Variants in SPOCK3 observed in about 807,000 individuals in gnomAD.
SPOCK3 encodes the protein SPARC (osteonectin), cwcv and kazal like domains proteoglycan 3, also known as testican-3.
SPOCK3 carries 30 observed loss-of-function variants against 56.6 expected under a neutral mutation model. That is an observed-to-expected ratio of 0.53 (90% CI 0.40 to 0.72). SPOCK3 has a LOEUF of 0.72. Among genes scored for constraint, SPOCK3 ranks in the 30% least tolerant of loss-of-function variants. The pLI is 0.00. For synonymous variants in SPOCK3, 196 were observed against 183.3 expected (o/e 1.07, Z -0.56); for missense variants, 527 against 530.0 (o/e 0.99, Z 0.06).
chr4:167,191,849 T>A (rs1238624572), intron 2 of SPOCK3, among the ~76,000 whole-genome samples: 2 of 145,670 alleles, frequency 1.4e-5, no homozygotes, highest in Non-Finnish European at 3.0e-5. Flanking sequence ...GGTGATCCTC[T>A]CTTGTTCTTG....
At chr4:166,790,695 C>A (rs1386512063) in intron 7 of SPOCK3, among the ~76,000 whole-genome samples, 2 of 152,108 alleles carry the variant, frequency 1.3e-5, no homozygotes, top group African/African-American at 4.8e-5. Flanking sequence ...TACCCAGGCA[C>A]CTTGCTGAGT....
intron 6 of SPOCK3, chr4:166,883,183 T>G (rs1412579067): frequency 2.0e-5 from 3 of 152,212 alleles, no homozygotes; most frequent in African/African-American, 7.2e-5. Context: ...AATAATACTT[T>G]TTCCTTAAAT....
chr4:166,743,360 G>A (rs539437282), intron 8 of SPOCK3, among the ~76,000 whole-genome samples: 2 of 152,112 alleles, frequency 1.3e-5, no homozygotes, highest in East Asian at 1.9e-4. Context: ...GAAATTTTAC[G>A]TAACAAAGTG....
intron 6 of SPOCK3, among the ~76,000 whole-genome samples, chr4:166,869,479 A>G (rs1732226741): frequency 6.6e-6 from 1 of 152,108 alleles, no homozygotes. Flanking sequence ...TACAATATTT[A>G]TATGAAAGAA....
chr4:167,214,945 T>C (rs1201240029), intron 2 of SPOCK3, among the ~76,000 whole-genome samples: 1 of 151,598 alleles, frequency 6.6e-6, no homozygotes, highest in Non-Finnish European at 1.5e-5. Flanking sequence ...GCATATGCCA[T>C]GGCAAACCCT....
rs530312718 is a variant in SPOCK3, at chr4:166,916,969, A to C, written c.351-4226T>G. 3.3e-5 allele frequency among the ~76,000 whole-genome samples: 5 copies of C among 152,268 alleles called. No individual in the cohort carries two copies. In the East Asian group the frequency reaches 9.7e-4, roughly 29 times the overall value. ...ATATATCATTATGGGGTGAAGGATG[A>C]GGTTGGATGTTAAAAGAGAGAGCTA... On this transcript the variant is annotated intron_variant, in intron 4 of 10. Transcript: ENST00000357545.
chr4:166,893,923 C>T (rs534099753), intron 5 of SPOCK3, among the ~76,000 whole-genome samples: 1 of 152,246 alleles, frequency 6.6e-6, no homozygotes, highest in Admixed American at 6.6e-5. Context: ...TTCTTCTGAT[C>T]CCTATTGAAT....
chr4:166,986,757 C>A (rs1262991282), intron 4 of SPOCK3, among the ~76,000 whole-genome samples: 1 of 152,084 alleles, frequency 6.6e-6, no homozygotes, highest in Admixed American at 6.6e-5. Flanking sequence ...AGTGATTTTA[C>A]ATCGCCATTT....
intron 4 of SPOCK3, among the ~76,000 whole-genome samples, chr4:166,933,016 A>G (rs1739965058): frequency 1.3e-5 from 2 of 152,194 alleles, no homozygotes; most frequent in Non-Finnish European, 2.9e-5. Context: ...AAATCCATGC[A>G]TTAATAAATT....
chr4:167,173,651 G>A (rs1479875748), intron 2 of SPOCK3, among the ~76,000 whole-genome samples: 2 of 152,010 alleles, frequency 1.3e-5, no homozygotes, highest in East Asian at 1.9e-4. Context: ...TTTCTTAATC[G>A]AACAGGCGTA....
intron 6 of SPOCK3, among the ~76,000 whole-genome samples, chr4:166,802,794 C>T (rs183540790): frequency 2.0e-5 from 3 of 152,160 alleles, no homozygotes; most frequent in Admixed American, 2.0e-4. Context: ...CACACATATA[C>T]ACACACATAC....
intron 4 of SPOCK3, among the ~76,000 whole-genome samples, chr4:166,974,233 CT>C (rs1169958329): frequency 1.3e-5 from 2 of 152,060 alleles, no homozygotes; most frequent in Non-Finnish European, 2.9e-5. Context: ...GCAAAATCCT[CT>C]GACAGTAATA....
At chr4:167,062,443 T>A (rs1313966004) in intron 3 of SPOCK3, 49 bp downstream of exon 3, 1 of 1,376,608 alleles carries the variant, frequency 7.3e-7, no homozygotes, top group Non-Finnish European at 1.0e-6. Context: ...AAAAGTACAA[T>A]GATTATGAAC....
At chr4:167,061,821 G>A (rs1755636868) in intron 3 of SPOCK3, among the ~76,000 whole-genome samples, 1 of 151,858 alleles carries the variant, frequency 6.6e-6, no homozygotes, top group Admixed American at 6.6e-5. Context: ...AACTTTAAAA[G>A]TAAGATACTT....
intron 2 of SPOCK3, among the ~76,000 whole-genome samples, chr4:167,137,797 T>C (rs1438846537): frequency 6.6e-6 from 1 of 151,896 alleles, no homozygotes; most frequent in Non-Finnish European, 1.5e-5. Context: ...TTATTTTTCA[T>C]ACTGTTACAT....
intron 7 of SPOCK3, among the ~76,000 whole-genome samples, chr4:166,779,309 T>C (rs1023905039): frequency 6.6e-6 from 1 of 152,046 alleles, no homozygotes; most frequent in Non-Finnish European, 1.5e-5. Context: ...AGATAATCAA[T>C]TAAGAATAAA....
intron 2 of SPOCK3, among the ~76,000 whole-genome samples, chr4:167,127,134 T>C (rs760216304): frequency 2.0e-5 from 3 of 152,184 alleles, no homozygotes; most frequent in Non-Finnish European, 2.9e-5. Context: ...AAAGGAGATA[T>C]GTTATAAAGG....
intron 6 of SPOCK3, among the ~76,000 whole-genome samples, chr4:166,851,306 A>G (rs990168366): frequency 6.6e-6 from 1 of 152,212 alleles, no homozygotes; most frequent in African/African-American, 2.4e-5. Context: ...TCCACACCAA[A>G]AACCCATCTG....
chr4:166,841,239 A>C, intron 6 of SPOCK3, among the ~76,000 whole-genome samples: 1 of 152,100 alleles, frequency 6.6e-6, no homozygotes, highest in East Asian at 1.9e-4. Flanking sequence ...TGGCAATTTA[A>C]CTGAAGGTCA....
Sources: gnomAD v4.1 joint callset for allele counts (sites outside exome capture counted in the v4.1 genomes callset) on GRCh38, gnomAD v4.1.1 for gene constraint, MANE v1.5 for transcripts, NCBI Gene and HGNC (gene_info 2026-07-23, HGNC 2026-07-21) for gene names.